The following PIEZO1 variants were observed in gnomAD, a reference collection of about 807,000 sequenced individuals.
PIEZO1 encodes the protein piezo type mechanosensitive ion channel component 1 (Er blood group), also known as piezo-type mechanosensitive ion channel component 1.
In PIEZO1, 296 loss-of-function variants were observed where a neutral mutation model predicts 297.2. The ratio of observed to expected loss-of-function variants is 1.00; its 90% confidence interval spans 0.91 to 1.10. The LOEUF is 1.10. Among genes scored for constraint, PIEZO1 ranks in the 50% least tolerant of loss-of-function variants. The probability of loss-of-function intolerance (pLI) is 0.00; values close to 1 mark genes in which losing one functional copy is unlikely to be tolerated. For synonymous variants in PIEZO1, 2,427 were observed against 1,507.5 expected (o/e 1.61, Z -14.13); for missense variants, 5,018 against 3,455.5 (o/e 1.45, Z -11.34).
intron 22 of PIEZO1, 145 bp from the exon 23 acceptor site, chr16:88,727,806 C>T: frequency 2.2e-6 from 1 of 454,902 alleles, no homozygotes; most frequent in Non-Finnish European, 3.9e-6. Flanking sequence ...CGAGAACTGA[C>T]AGCTCTAGTG....
Position 88,726,815 on chromosome 16 carries a change from C to CCGA in PIEZO1, c.3596_3598dup (p.Phe1199_Gly1200insVal), listed in dbSNP as rs1225306651. The stretch of plus-strand genomic sequence containing the variant: ...TGTGTCCCTCTGCAGCAGGGCCGTG[C>CCGA]CGAAGAGCAGCAGGTAGAAGCAGGC... On this transcript the variant is annotated inframe_insertion, in exon 25 of 51. Transcript: ENST00000301015. 1.3e-6 allele frequency: 2 copies of CCGA among 1,550,284 alleles called. No homozygotes were observed. The highest frequency in any genetic ancestry group is 1.7e-6 in the Non-Finnish European group (2 of 1,146,940).
At chr16:88,752,828 C>T (rs1906456988) in intron 1 of PIEZO1, among the ~76,000 whole-genome samples, 1 of 152,098 alleles carries the variant, frequency 6.6e-6, no homozygotes, top group Non-Finnish European at 1.5e-5. Flanking sequence ...ACGGGCCTGC[C>T]CTGGGGTGAT....
At chr16:88,780,410 A>G (rs477203) in intron 1 of PIEZO1, among the ~76,000 whole-genome samples, 142,632 of 152,146 alleles carry the variant, frequency 0.94, 66,891 homozygotes, top group East Asian at 1. Flanking sequence ...GGGGGGTCCC[A>G]CCTCACAGTC....
intron 22 of PIEZO1, 82 bp from the exon 23 acceptor site, chr16:88,727,743 C>G (rs556529209): frequency 6.5e-6 from 4 of 614,516 alleles, no homozygotes; most frequent in South Asian, 2.7e-5. Context: ...TGACCCGAGT[C>G]TATCACCAGC....
At chr16:88,769,643 C>T (rs536193233) in intron 1 of PIEZO1, among the ~76,000 whole-genome samples, 1 of 152,350 alleles carries the variant, frequency 6.6e-6, no homozygotes, top group East Asian at 1.9e-4. Context: ...CTGCAGCCTC[C>T]AGTCAGCACG....
Position 88,721,875 on chromosome 16 carries a change from A to G in PIEZO1, c.5147T>C (p.Leu1716Pro). 6.5e-7 allele frequency: 1 copy of G among 1,550,004 alleles called. No homozygotes were observed. The highest frequency in any genetic ancestry group is 8.7e-7 in the Non-Finnish European group (1 of 1,146,756). ...CCTCGGGATCGACAGCATGGCCCAC[A>G]GGAAGACGAGCACGGGCAGCACCAG... ...GSLVLPVLVFLWAMLSIPRPS... is the reference protein window; with the variant it reads ...GSLVLPVLVFPWAMLSIPRPS... The change falls in exon 37 of 51, where the codon CTG becomes CCG. Residue 1716 changes from leucine (L) to proline (P), a missense_variant. Coordinates refer to ENST00000301015, the MANE Select transcript of PIEZO1 (RefSeq NM_001142864.4).
At chr16:88,727,374 G>C (rs1476978942) in intron 23 of PIEZO1, among the ~76,000 whole-genome samples, 182 bp from the exon 24 acceptor site, 1 of 152,220 alleles carries the variant, frequency 6.6e-6, no homozygotes, top group Non-Finnish European at 1.5e-5. Context: ...ATCTGCACAA[G>C]GGCTGCCGTG....
At chr16:88,741,329 G>T in intron 5 of PIEZO1, 149 bp downstream of exon 5, 6 of 699,602 alleles carry the variant, frequency 8.6e-6, no homozygotes, top group Non-Finnish European at 1.4e-5. Context: ...GCCCCGGGGT[G>T]GGATTTGGAA....
chr16:88,780,516 CCAG>C (rs1406431978), intron 1 of PIEZO1, among the ~76,000 whole-genome samples: 1 of 152,148 alleles, frequency 6.6e-6, no homozygotes. Flanking sequence ...GGACCCACAC[CCAG>C]CAAGGAAGGG....
intron 1 of PIEZO1, among the ~76,000 whole-genome samples, chr16:88,752,730 G>C (rs150644067): frequency 3.9e-5 from 6 of 152,186 alleles, no homozygotes; most frequent in Non-Finnish European, 8.8e-5. Context: ...GAGGACGATG[G>C]GGGCATGGGA....
rs562628520 is a variant in PIEZO1, at chr16:88,749,664, G to A, written c.65-185C>T. ...ACATATCTCACACACGCCACGACACGGGCACCAGCCTCCCAGCGGGGCGCT... is the reference window on the plus strand; with the variant it reads ...ACATATCTCACACACGCCACGACACAGGCACCAGCCTCCCAGCGGGGCGCT... On this transcript the variant is annotated intron_variant, in intron 1 of 50. Transcript: ENST00000301015. Among the ~76,000 whole-genome samples the A allele has an allele frequency of 1.4e-4, 22 of 152,316 alleles. 1 individual carries two copies. In the South Asian group the frequency reaches 1.7e-3, roughly 11 times the overall value.
chr16:88,727,106 C>T lies in PIEZO1; in HGVS notation c.3388G>A (p.Val1130Ile), dbSNP rs939031047. 58 of 1,549,888 alleles carry T rather than the reference C, an allele frequency of 3.7e-5. 1 individual carries two copies. The highest frequency in any genetic ancestry group is 2.9e-4 in the South Asian group (24 of 84,046). The change falls in exon 24 of 51, where the codon GTC becomes ATC. Residue 1130 changes from valine to isoleucine, a missense_variant. Physicochemically the swap from Val to Ile is conservative, Grantham distance 29. Transcript: ENST00000301015. ...RTEEWQRMAGVNTDRLEPLRG... is the reference protein window; with the variant it reads ...RTEEWQRMAGINTDRLEPLRG... ...AGCGGCTCCAGGCGGTCGGTGTTGA[C>T]GCCAGCCATGCGCTGCCACTCCTCT...
intron 1 of PIEZO1, among the ~76,000 whole-genome samples, chr16:88,778,268 A>AT (rs1165117689): frequency 6.6e-6 from 1 of 151,970 alleles, no homozygotes; most frequent in East Asian, 1.9e-4. Context: ...TCCTGGGCCC[A>AT]TTTTAGCCGC....
chr16:88,732,370 A>T lies in PIEZO1; in HGVS notation c.2956T>A (p.Phe986Ile). The T allele has an allele frequency of 6.5e-7, 1 of 1,549,638 alleles. No individual in the cohort carries two copies. ...DQDLLGCLKY[F>I]INFFFYKFGL... ...AATTTGTAGAAGAAGAAGTTGATGA[A>T]GTACTTGAGGCAGCCGAGCAGATCC... is the stretch of plus-strand genomic sequence containing the variant. Residue 986 changes from phenylalanine (F) to isoleucine (I), a missense_variant, in exon 21 of 51, where the codon TTC (phenylalanine) becomes ATC (isoleucine). Transcript: ENST00000301015.
chr16:88,757,995 C>G (rs1369650156), intron 1 of PIEZO1, among the ~76,000 whole-genome samples: 1 of 152,178 alleles, frequency 6.6e-6, no homozygotes, highest in Non-Finnish European at 1.5e-5. Context: ...CTCTGTGCCT[C>G]TACTTCTCTG....
intron 39 of PIEZO1, 127 bp from the exon 40 acceptor site, chr16:88,720,875 C>G: frequency 1.8e-6 from 2 of 1,136,068 alleles, no homozygotes; most frequent in South Asian, 1.7e-5. Flanking sequence ...CAGGAAAGCT[C>G]CCAGTGTCAC....
chr16:88,749,964 G>A (rs560493172), intron 1 of PIEZO1, among the ~76,000 whole-genome samples: 3 of 151,900 alleles, frequency 2.0e-5, no homozygotes, highest in South Asian at 2.1e-4. Context: ...GGAGGCGGAG[G>A]TTACACTGAG....
Position 88,719,825 on chromosome 16 carries a change from A to ATGAT in PIEZO1, c.6296_6299dup (p.His2100GlnfsTer122). ...ACCCCTGGAAGAGGAAGAGGTTGAG[A>ATGAT]TGATTGTACTTCTTGGTGAGGAAGT... On this transcript the variant is annotated frameshift_variant, in exon 43 of 51. Transcript: ENST00000301015. LOFTEE classifies it high-confidence loss of function. 2 of 1,550,534 alleles carry ATGAT rather than the reference A, an allele frequency of 1.3e-6. No homozygotes were observed. The highest frequency in any genetic ancestry group is 2.4e-5 in the East Asian group (1 of 40,920).
At chr16:88,756,740 C>G (rs965930717) in intron 1 of PIEZO1, among the ~76,000 whole-genome samples, 7 of 151,162 alleles carry the variant, frequency 4.6e-5, no homozygotes, top group Middle Eastern at 3.2e-3. Flanking sequence ...TGCACTCCAG[C>G]CTGGGCAATA....
Sources: allele counts gnomAD v4.1 joint callset (sites outside exome capture counted in the v4.1 genomes callset), GRCh38; gene constraint gnomAD v4.1.1; transcripts MANE v1.5; gene names NCBI Gene and HGNC (gene_info 2026-07-23, HGNC 2026-07-21).